Variants in REDIC1 observed in about 807,000 individuals in gnomAD.
REDIC1 encodes the protein HEI10 Interacting Protein 1.
chr12:39,820,775 A>ATATATATATATC, the REDIC1 span, among the ~76,000 whole-genome samples: 2 of 50,380 alleles, frequency 4.0e-5, no homozygotes, highest in Non-Finnish European at 7.7e-5. Context: ...ATATATATAT[A>ATATATATATATC]TAAAGCAACA....
chr12:39,736,262 C>T, the REDIC1 span, among the ~76,000 whole-genome samples: 1 of 152,208 alleles, frequency 6.6e-6, no homozygotes, highest in African/African-American at 2.4e-5. Flanking sequence ...CCTTTATGGA[C>T]TATTGCCTTT....
the REDIC1 span, among the ~76,000 whole-genome samples, chr12:39,838,858 G>C: frequency 1.3e-5 from 2 of 152,034 alleles, no homozygotes; most frequent in Non-Finnish European, 2.9e-5. Flanking sequence ...TTGTTTTTAA[G>C]TATGTCTCAT....
At chr12:39,643,986 G>C in the REDIC1 span, 1 of 1,244,502 alleles carries the variant, frequency 8.0e-7, no homozygotes, top group Admixed American at 2.8e-5. Flanking sequence ...CTTCTAATTA[G>C]TTTGTAATTT....
the REDIC1 span, among the ~76,000 whole-genome samples, chr12:39,729,510 T>C: frequency 2.0e-5 from 3 of 152,378 alleles, no homozygotes; most frequent in Admixed American, 6.5e-5. Flanking sequence ...TTGATTGCAC[T>C]GTGGTCTGAG....
chr12:39,766,804 C>T, the REDIC1 span, among the ~76,000 whole-genome samples: 2 of 152,084 alleles, frequency 1.3e-5, no homozygotes, highest in Admixed American at 1.3e-4. Flanking sequence ...GAAACAACTC[C>T]TTATCCGTTC....
At chr12:39,647,648 A>G in the REDIC1 span, 1 of 530,208 alleles carries the variant, frequency 1.9e-6, no homozygotes, top group Non-Finnish European at 3.1e-6. Flanking sequence ...AGTTCTGTCA[A>G]TTACTGATGG....
At chr12:39,655,799 C>T in the REDIC1 span, among the ~76,000 whole-genome samples, 7 of 152,176 alleles carry the variant, frequency 4.6e-5, no homozygotes, top group African/African-American at 7.2e-5. Context: ...ACTATTTCTA[C>T]TAAGGCTCAG....
chr12:39,837,328 C>T, the REDIC1 span, among the ~76,000 whole-genome samples: 1 of 144,674 alleles, frequency 6.9e-6, no homozygotes, highest in African/African-American at 2.6e-5. Context: ...ACACCTTATA[C>T]AAAAATCAAT....
chr12:39,680,784 ACACT>A, the REDIC1 span, among the ~76,000 whole-genome samples: 1 of 151,572 alleles, frequency 6.6e-6, no homozygotes, highest in African/African-American at 2.4e-5. Context: ...ACACACACAC[ACACT>A]CTCTCACACA....
chr12:39,753,668 T>C, the REDIC1 span, among the ~76,000 whole-genome samples: 2 of 152,184 alleles, frequency 1.3e-5, no homozygotes, highest in African/African-American at 4.8e-5. Context: ...GCAAATTGCC[T>C]GTGCTTTGAA....
At chr12:39,712,995 GTGTATATGTATATATA>G in the REDIC1 span, among the ~76,000 whole-genome samples, 24 of 138,118 alleles carry the variant, frequency 1.7e-4, no homozygotes, top group African/African-American at 6.4e-4. Context: ...GTGTATATAC[GTGTATATGTATATATA>G]CATGTGTATA....
At chr12:39,651,366 C>G in the REDIC1 span, among the ~76,000 whole-genome samples, 59 of 149,220 alleles carry the variant, frequency 4.0e-4, no homozygotes, top group African/African-American at 1.3e-3. Flanking sequence ...TCTGTGAATC[C>G]TAGTTTGTTG....
chr12:39,837,227 C>G, the REDIC1 span, among the ~76,000 whole-genome samples: 1 of 150,776 alleles, frequency 6.6e-6, no homozygotes, highest in African/African-American at 2.4e-5. Flanking sequence ...CTGAGAAAAA[C>G]AAGCAATGGG....
the REDIC1 span, among the ~76,000 whole-genome samples, chr12:39,817,800 T>A: frequency 2.9e-3 from 444 of 152,292 alleles, no homozygotes; most frequent in African/African-American, 0.01. Context: ...TTTGTCAGTA[T>A]ACCCGGGGCA....
chr12:39,641,361 T>C, the REDIC1 span, among the ~76,000 whole-genome samples: 1 of 151,858 alleles, frequency 6.6e-6, no homozygotes, highest in African/African-American at 2.4e-5. Flanking sequence ...ACTGATTGCA[T>C]TCCATAGTAA....
chr12:39,701,587 A>T, the REDIC1 span, among the ~76,000 whole-genome samples: 4 of 152,274 alleles, frequency 2.6e-5, no homozygotes, highest in East Asian at 7.7e-4. Context: ...CACCAAGCAG[A>T]CCTAATAGAC....
At chr12:39,842,278 G>A in the REDIC1 span, among the ~76,000 whole-genome samples, 1 of 152,032 alleles carries the variant, frequency 6.6e-6, no homozygotes, top group Admixed American at 6.6e-5. Flanking sequence ...GGTCTTTTCC[G>A]GTATCCTGGT....
the REDIC1 span, among the ~76,000 whole-genome samples, chr12:39,871,059 TA>T: frequency 6.6e-6 from 1 of 152,132 alleles, no homozygotes; most frequent in South Asian, 2.1e-4. Flanking sequence ...AATTGATACA[TA>T]GGAATGTACT....
At chr12:39,788,684 G>C in the REDIC1 span, 12 of 152,004 alleles carry the variant, frequency 7.9e-5, no homozygotes, top group Non-Finnish European at 1.6e-4. Flanking sequence ...AAAACTTTAG[G>C]AATCATCTAA....
Sources: allele counts gnomAD v4.1 joint callset (sites outside exome capture counted in the v4.1 genomes callset), GRCh38; gene constraint gnomAD v4.1.1; transcripts MANE v1.5; gene names NCBI Gene and HGNC (gene_info 2026-07-23, HGNC 2026-07-21).